Variants in FMNL2 observed in about 807,000 individuals in gnomAD.
FMNL2 encodes the protein formin-like protein 2.
FMNL2 carries 51 observed loss-of-function variants against 130.2 expected under a neutral mutation model. The ratio of observed to expected loss-of-function variants is 0.39; its 90% CI spans 0.31 to 0.49. FMNL2 has a LOEUF of 0.49. FMNL2 is among the 20% of genes least tolerant of loss of function. FMNL2 has a pLI of 0.85. For synonymous variants in FMNL2, 465 were observed against 467.1 expected, an observed-to-expected ratio of 1.00 and a Z score of 0.06; for missense variants, 977 against 1,316.2, an observed-to-expected ratio of 0.74 and a Z score of 3.99.
At chr2:152,416,148 A>G (rs370897368) in intron 1 of FMNL2, among the ~76,000 whole-genome samples, 38 of 152,264 alleles carry the variant, frequency 2.5e-4, no homozygotes, top group Middle Eastern at 6.8e-3. Context: ...TGTTATGGAC[A>G]TACGGCTCAT....
chr2:152,647,919 C>A lies in FMNL2; in HGVS notation c.*14C>A, dbSNP rs943162132. The stretch of plus-strand genomic sequence containing the variant: ...ATAACAATGTGAACCTGAGACTGGC[C>A]TGCATGAATACAGGGTGTGCGTGAA... On this transcript the variant is annotated 3_prime_UTR_variant, in exon 26 of 26. Coordinates refer to ENST00000288670, the MANE Select transcript of FMNL2 (RefSeq NM_052905.4). The A allele has an allele frequency of 1.2e-6, 2 of 1,602,726 alleles. No individual in the cohort carries two copies. Among genetic ancestry groups the A allele is most frequent in the African/African-American group, 1.3e-5 (1 of 74,724 alleles).
chr2:152,558,898 C>A, intron 5 of FMNL2, 75 bp downstream of exon 5: 1 of 1,312,582 alleles, frequency 7.6e-7, no homozygotes, highest in Non-Finnish European at 1.1e-6. Flanking sequence ...TAAAATTATA[C>A]ACCACAGAGA....
intron 1 of FMNL2, among the ~76,000 whole-genome samples, chr2:152,452,462 C>G (rs1688695759): frequency 6.6e-6 from 1 of 152,186 alleles, no homozygotes; most frequent in African/African-American, 2.4e-5. Context: ...GCAGAAACCA[C>G]TACGCAGTGG....
intron 8 of FMNL2, among the ~76,000 whole-genome samples, chr2:152,580,104 CT>C (rs1477451148): frequency 6.6e-6 from 1 of 152,180 alleles, no homozygotes. Flanking sequence ...AGTAGCCATG[CT>C]TCTGTGTCTC....
chr2:152,641,174 T>C (rs1199250356), intron 25 of FMNL2, among the ~76,000 whole-genome samples: 1 of 152,190 alleles, frequency 6.6e-6, no homozygotes, highest in Non-Finnish European at 1.5e-5. Flanking sequence ...TGATATGTCA[T>C]CATGCTCCAT....
At chr2:152,440,058 A>C (rs1687975095) in intron 1 of FMNL2, among the ~76,000 whole-genome samples, 1 of 151,962 alleles carries the variant, frequency 6.6e-6, no homozygotes, top group Admixed American at 6.6e-5. Context: ...GTGGACGTGA[A>C]ACCCCTTTGG....
chr2:152,571,221 C>G (rs1373928370), intron 6 of FMNL2, among the ~76,000 whole-genome samples: 1 of 152,156 alleles, frequency 6.6e-6, no homozygotes, highest in Non-Finnish European at 1.5e-5. Flanking sequence ...GATTTGAGAA[C>G]TGCTGGTGGA....
rs1685061323 is a variant in FMNL2, at chr2:152,390,680, A to T, written c.117+54960A>T. ...GAACTCTTGGGGCTGAGCTACAACCATCCAACCTTCTTTCCCACTCTTCTC... is the reference window on the plus strand; with the variant it reads ...GAACTCTTGGGGCTGAGCTACAACCTTCCAACCTTCTTTCCCACTCTTCTC... On this transcript the variant is annotated intron_variant, in intron 1 of 25. Transcript: ENST00000288670. The T allele has an allele frequency of 7.7e-6, 6 of 777,494 alleles. No individual in the cohort carries two copies. In the South Asian group the frequency reaches 8.1e-5, roughly 10 times the overall value. The allele number at this position is 777,494 out of a possible 1,614,324, so 48.2% of individuals were successfully genotyped here. A position where few individuals can be genotyped will look rare whatever the true frequency, so the allele number is the denominator to read the frequency against.
chr2:152,370,564 T>C (rs1020264259), intron 1 of FMNL2, among the ~76,000 whole-genome samples: 3 of 152,222 alleles, frequency 2.0e-5, no homozygotes, highest in Non-Finnish European at 4.4e-5. Context: ...TCCAGTTATC[T>C]ATTGATACTA....
At chr2:152,579,508 C>G (rs953759760) in intron 8 of FMNL2, among the ~76,000 whole-genome samples, 1 of 152,144 alleles carries the variant, frequency 6.6e-6, no homozygotes, top group Non-Finnish European at 1.5e-5. Context: ...ACCAGCCTGG[C>G]TAACATGGTG....
intron 1 of FMNL2, among the ~76,000 whole-genome samples, chr2:152,439,449 A>G (rs1191593390): frequency 6.6e-6 from 1 of 152,172 alleles, no homozygotes; most frequent in Non-Finnish European, 1.5e-5. Flanking sequence ...ACTTTTAAGT[A>G]ATGGATATAT....
intron 15 of FMNL2, among the ~76,000 whole-genome samples, chr2:152,623,409 G>A (rs1319672721): frequency 3.3e-5 from 5 of 152,226 alleles, no homozygotes; most frequent in South Asian, 2.1e-4. Context: ...ACACTGTGGC[G>A]TAGTGGGGAC....
chr2:152,449,922 A>C (rs956049848), intron 1 of FMNL2, among the ~76,000 whole-genome samples: 6 of 152,160 alleles, frequency 3.9e-5, no homozygotes, highest in Non-Finnish European at 7.4e-5. Context: ...CCTACATAGA[A>C]ACCTTTCCTC....
chr2:152,495,184 G>A (rs898530847), intron 1 of FMNL2, among the ~76,000 whole-genome samples: 1 of 152,084 alleles, frequency 6.6e-6, no homozygotes, highest in African/African-American at 2.4e-5. Context: ...AAATTTACTG[G>A]AAATATACTA....
intron 1 of FMNL2, among the ~76,000 whole-genome samples, chr2:152,469,256 G>A (rs1579740160): frequency 6.6e-6 from 1 of 152,136 alleles, no homozygotes; most frequent in Admixed American, 6.5e-5. Context: ...CTTTGCATAC[G>A]TGTCATTTCA....
chr2:152,478,162 A>G (rs1690260253), intron 1 of FMNL2, among the ~76,000 whole-genome samples: 1 of 150,740 alleles, frequency 6.6e-6, no homozygotes, highest in Admixed American at 6.6e-5. Context: ...GACTTTGAGA[A>G]CTTTGGTTAC....
chr2:152,563,781 G>A (rs1211274818), intron 6 of FMNL2, among the ~76,000 whole-genome samples: 2 of 151,796 alleles, frequency 1.3e-5, no homozygotes, highest in Non-Finnish European at 2.9e-5. Context: ...CTTCTTCTCT[G>A]GTTTCATTAA....
chr2:152,587,288 G>T (rs558993890), intron 9 of FMNL2, among the ~76,000 whole-genome samples: 2 of 152,152 alleles, frequency 1.3e-5, no homozygotes, highest in Non-Finnish European at 2.9e-5. Context: ...GGATGCAAGG[G>T]GAAGGCAATG....
Position 152,511,356 on chromosome 2 carries a change from G to A in FMNL2, c.118-10587G>A, listed in dbSNP as rs544350293. Among the ~76,000 whole-genome samples the A allele has an allele frequency of 5.3e-5, 8 of 152,212 alleles. No individual in the cohort carries two copies. In the South Asian group the frequency reaches 1.7e-3, roughly 32 times the overall value. On this transcript the variant is annotated intron_variant, in intron 1 of 25. Transcript: ENST00000288670. ...TGCAAATCACATTTTAATATGTAAG[G>A]AAAATTCACAGGTTCCTGGGATAGA...
Sources: allele counts gnomAD v4.1 joint callset (sites outside exome capture counted in the v4.1 genomes callset), GRCh38; gene constraint gnomAD v4.1.1; transcripts MANE v1.5; gene names NCBI Gene and HGNC (gene_info 2026-07-23, HGNC 2026-07-21).